Variants in RAC1 observed in about 807,000 individuals in gnomAD.
RAC1 encodes the protein ras-related C3 botulinum toxin substrate 1.
A neutral mutation model predicts 25.2 loss-of-function variants in RAC1; 2 were observed. The ratio of observed to expected loss-of-function variants is 0.08; its 90% CI spans 0.03 to 0.25. The LOEUF (loss-of-function observed/expected upper bound fraction) is 0.25. Ranked by LOEUF, RAC1 falls within the 10% of genes least tolerant of loss-of-function variation. RAC1 has a pLI of 1.00. For missense variants in RAC1, 50 were observed against 235.7 expected (o/e 0.21, Z 5.16); for synonymous variants, 88 against 94.0 (o/e 0.94, Z 0.37).
intron 2 of RAC1, among the ~76,000 whole-genome samples, chr7:6,389,473 A>C (rs1035408410): frequency 6.6e-6 from 1 of 151,716 alleles, no homozygotes; most frequent in Non-Finnish European, 1.5e-5. Flanking sequence ...TGAGGTAAGG[A>C]GTTTGAGACC....
intron 1 of RAC1, among the ~76,000 whole-genome samples, chr7:6,378,963 G>A (rs1320943144): frequency 1.6e-4 from 25 of 152,016 alleles, no homozygotes; most frequent in African/African-American, 4.6e-4. Flanking sequence ...GGTGGGGGGC[G>A]CCTGTAATCC....
chr7:6,377,466 T>G (rs1782641610), intron 1 of RAC1, among the ~76,000 whole-genome samples: 1 of 151,924 alleles, frequency 6.6e-6, no homozygotes, highest in Admixed American at 6.6e-5. Context: ...TAGACACATG[T>G]GCCTGTAGTC....
At chr7:6,398,839 C>A in intron 3 of RAC1, 1 of 941,686 alleles carries the variant, frequency 1.1e-6, no homozygotes, top group Non-Finnish European at 1.6e-6. Flanking sequence ...TTAATTCACT[C>A]AAGGTTGGGG....
intron 2 of RAC1, among the ~76,000 whole-genome samples, chr7:6,388,996 T>G (rs368699834): frequency 2.3e-4 from 35 of 151,692 alleles, no homozygotes; most frequent in African/African-American, 7.7e-4. Context: ...AGGTCAGGAG[T>G]TCGAGACCAA....
rs773771341 is a variant in RAC1, at chr7:6,402,229, G to A, written c.449-87G>A. 1.2e-5 allele frequency: 18 copies of A among 1,517,922 alleles called. 1 individual carries two copies. Among genetic ancestry groups the A allele is most frequent in the South Asian group, 6.6e-5 (5 of 76,072 alleles). 94.0% of individuals were successfully genotyped at this position (1,517,922 alleles called of 1,614,324 possible). On this transcript the variant is annotated intron_variant, in intron 5 of 5. Transcript: ENST00000348035. ...GGCTGGGAGCCGGCAGAAGGCGCCC[G>A]GGCCCCAGGAGCTGCCTCCCGCTGG...
intron 1 of RAC1, among the ~76,000 whole-genome samples, chr7:6,377,996 G>A (rs878877354): frequency 4.6e-5 from 7 of 152,044 alleles, no homozygotes; most frequent in African/African-American, 1.2e-4. Flanking sequence ...CAGGCTGTAC[G>A]TCCCTCCATC....
At chr7:6,376,875 C>A (rs1350729689) in intron 1 of RAC1, among the ~76,000 whole-genome samples, 1 of 147,066 alleles carries the variant, frequency 6.8e-6, no homozygotes, top group African/African-American at 2.5e-5. Context: ...TTATTTAATA[C>A]TAACCGATTG....
chr7:6,379,173 C>A (rs1209234325), intron 1 of RAC1, among the ~76,000 whole-genome samples: 1 of 151,900 alleles, frequency 6.6e-6, no homozygotes, highest in Non-Finnish European at 1.5e-5. Context: ...TTTATATTGG[C>A]TCACTGCAGC....
intron 1 of RAC1, among the ~76,000 whole-genome samples, chr7:6,375,523 C>T (rs997632160): frequency 2.0e-5 from 3 of 152,138 alleles, no homozygotes; most frequent in Admixed American, 2.0e-4. Flanking sequence ...GGCCTCTCAA[C>T]TTATTTTCGA....
intron 3 of RAC1, among the ~76,000 whole-genome samples, chr7:6,397,640 G>C (rs1457463304): frequency 3.3e-5 from 5 of 152,146 alleles, no homozygotes; most frequent in African/African-American, 1.2e-4. Context: ...GTTTTTATTG[G>C]AACAAAGAAA....
intron 3 of RAC1, among the ~76,000 whole-genome samples, chr7:6,396,764 C>T (rs1389696600): frequency 2.0e-5 from 3 of 152,304 alleles, no homozygotes; most frequent in South Asian, 4.1e-4. Flanking sequence ...GGCACGGTGG[C>T]TCACGCCTGT....
Position 6,402,502 on chromosome 7 carries a change from C to CAAAAAAAAACAAA in RAC1, c.*82_*94dup, listed in dbSNP as rs763876723. Reference sequence around the variant, plus strand: ...CCTTGGAACCTTTGTACGCTTTGCTCAAAAAAAAACAAAAAAAAAAAACAA... The same window carrying CAAAAAAAAACAAA: ...CCTTGGAACCTTTGTACGCTTTGCTCAAAAAAAAACAAAAAAAAAAAACAAAAAAAAAAAACAA... On this transcript the variant is annotated 3_prime_UTR_variant, in exon 6 of 6. Transcript: ENST00000348035. 17 of 106,278 alleles carry CAAAAAAAAACAAA rather than the reference C, an allele frequency of 1.6e-4. No homozygotes were observed. The highest frequency in any genetic ancestry group is 6.1e-4 in the Admixed American group (2 of 3,294). 6.6% of individuals were successfully genotyped at this position (106,278 alleles called of 1,614,324 possible). A position where few individuals can be genotyped will look rare whatever the true frequency, so the allele number is the denominator to read the frequency against.
At chr7:6,381,535 G>A (rs574610202) in intron 1 of RAC1, among the ~76,000 whole-genome samples, 1 of 152,112 alleles carries the variant, frequency 6.6e-6, no homozygotes, top group African/African-American at 2.4e-5. Flanking sequence ...TGAGATTACA[G>A]GCGTGTGCCA....
intron 2 of RAC1, among the ~76,000 whole-genome samples, chr7:6,390,036 TC>T (rs770423745): frequency 0.029 from 3,368 of 115,698 alleles, 72 homozygotes; most frequent in Non-Finnish European, 0.043. Context: ...ACTCCTTCCC[TC>T]CTTCCCTCCT....
At chr7:6,381,912 G>T (rs537035864) in intron 1 of RAC1, among the ~76,000 whole-genome samples, 64 of 152,134 alleles carry the variant, frequency 4.2e-4, no homozygotes, top group Middle Eastern at 6.8e-3. Flanking sequence ...ACCTTCATGC[G>T]AGGTCTTTAA....
intron 2 of RAC1, among the ~76,000 whole-genome samples, chr7:6,389,255 G>A (rs1309296593): frequency 1.3e-5 from 2 of 151,702 alleles, no homozygotes; most frequent in African/African-American, 2.4e-5. Flanking sequence ...CTACCAAATT[G>A]CTGTCTATAA....
chr7:6,390,606 AATAAT>A (rs1783066034), intron 2 of RAC1, among the ~76,000 whole-genome samples: 1 of 151,488 alleles, frequency 6.6e-6, no homozygotes, highest in Non-Finnish European at 1.5e-5. Flanking sequence ...TCAAAAAAAA[AATAAT>A]AATAATAATG....
chr7:6,394,879 G>C (rs1200475618), intron 3 of RAC1, among the ~76,000 whole-genome samples: 1 of 150,762 alleles, frequency 6.6e-6, no homozygotes, highest in Admixed American at 6.6e-5. Flanking sequence ...TTTTGAGACG[G>C]AGTCTTGCTC....
intron 3 of RAC1, among the ~76,000 whole-genome samples, chr7:6,393,236 G>A (rs1402728762): frequency 6.6e-6 from 1 of 152,188 alleles, no homozygotes; most frequent in Non-Finnish European, 1.5e-5. Context: ...TAAGTCTGCT[G>A]TATTAAAAAT....
Sources: allele counts gnomAD v4.1 joint callset (sites outside exome capture counted in the v4.1 genomes callset), GRCh38; gene constraint gnomAD v4.1.1; transcripts MANE v1.5; gene names NCBI Gene and HGNC (gene_info 2026-07-23, HGNC 2026-07-21).